The following SPIN1 variants were observed in gnomAD, a reference collection of about 807,000 sequenced individuals.
SPIN1 encodes spindlin-1.
A neutral mutation model predicts 26.0 loss-of-function variants in SPIN1; 3 were observed. The ratio of observed to expected loss-of-function variants is 0.12; its 90% CI spans 0.05 to 0.30. The LOEUF (loss-of-function observed/expected upper bound fraction) is 0.30, where lower values mean the gene tolerates loss of function less well. Among genes scored for constraint, SPIN1 ranks in the 10% least tolerant of loss-of-function variants. The pLI is 1.00. For synonymous variants in SPIN1, 101 were observed against 116.5 expected (o/e 0.87, Z 0.86); for missense variants, 126 against 333.4 (o/e 0.38, Z 4.84).
intron 3 of SPIN1, among the ~76,000 whole-genome samples, chr9:88,450,899 A>G (rs536846800): frequency 6.6e-6 from 1 of 152,252 alleles, no homozygotes; most frequent in South Asian, 2.1e-4. Flanking sequence ...AGCTTTGAAG[A>G]GGCTGCCTGG....
intron 3 of SPIN1, among the ~76,000 whole-genome samples, chr9:88,449,247 T>C (rs192519285): frequency 6.0e-4 from 91 of 152,122 alleles, no homozygotes; most frequent in East Asian, 4.5e-3. Flanking sequence ...AAAACTGTTA[T>C]GGTAAGTGTG....
At chr9:88,459,846 G>C (rs1277853226) in intron 3 of SPIN1, among the ~76,000 whole-genome samples, 1 of 152,130 alleles carries the variant, frequency 6.6e-6, no homozygotes, top group Non-Finnish European at 1.5e-5. Context: ...TATACTTGAA[G>C]GTCAGTGTAC....
intron 5 of SPIN1, 22 bp from the exon 6 acceptor site, chr9:88,475,047 CTTTTTTTTT>C (rs11320023): frequency 2.1e-4 from 176 of 841,708 alleles, no homozygotes; most frequent in Middle Eastern, 8.4e-4. Flanking sequence ...CTCTCTCTCT[CTTTTTTTTT>C]TTTTTTTTTT....
At chr9:88,445,728 A>G (rs1420527037) in intron 2 of SPIN1, among the ~76,000 whole-genome samples, 4 of 151,402 alleles carry the variant, frequency 2.6e-5, no homozygotes, top group Admixed American at 2.0e-4. Flanking sequence ...TGGCAGAGAC[A>G]ATGTTTCACC....
intron 2 of SPIN1, among the ~76,000 whole-genome samples, chr9:88,436,111 G>A (rs570498411): frequency 1.1e-3 from 170 of 152,186 alleles, no homozygotes; most frequent in Non-Finnish European, 2.0e-3. Context: ...AGTTTTGTTT[G>A]TTTTAAAGAG....
chr9:88,393,830 T>C (rs541154261), intron 1 of SPIN1, among the ~76,000 whole-genome samples: 1 of 151,964 alleles, frequency 6.6e-6, no homozygotes, highest in East Asian at 1.9e-4. Flanking sequence ...CCATGGATTT[T>C]TATGTATCCA....
intron 1 of SPIN1, among the ~76,000 whole-genome samples, chr9:88,394,457 G>T (rs1827009390): frequency 6.6e-6 from 1 of 152,150 alleles, no homozygotes; most frequent in African/African-American, 2.4e-5. Flanking sequence ...TACAGATTTT[G>T]ATTTTTATAT....
In SPIN1 at chr9:88,475,151, C is replaced by A; in HGVS notation, c.663C>A (p.Ala221=). 6.2e-7 allele frequency: 1 copy of A among 1,607,338 alleles called. No individual in the cohort carries two copies. The highest frequency in any genetic ancestry group is 1.4e-5 in the African/African-American group (1 of 73,096). Residue 221 remains alanine, a synonymous_variant, in exon 6 of 6, where the codon GCC becomes GCA. Coordinates refer to ENST00000375859, the MANE Select transcript of SPIN1 (RefSeq NM_006717.3). The part of the protein sequence containing the change: ...DSLVGKQVEY[A]KEDGSKRTGM... ...TGGTAGGCAAACAAGTGGAATATGC[C>A]AAAGAAGATGGCTCGAAAAGGACTG...
intron 2 of SPIN1, among the ~76,000 whole-genome samples, chr9:88,436,304 C>T (rs1214385909): frequency 6.6e-6 from 1 of 152,172 alleles, no homozygotes; most frequent in East Asian, 1.9e-4. Flanking sequence ...AATCTTTCTA[C>T]AGTTTTAGAG....
At chr9:88,411,258 C>T (rs1460983614) in intron 1 of SPIN1, 15 of 1,139,532 alleles carry the variant, frequency 1.3e-5, no homozygotes, top group Non-Finnish European at 1.6e-5. Context: ...ATGGCTGCAT[C>T]CTCCACCTCC....
At chr9:88,449,229 A>G (rs925538392) in intron 3 of SPIN1, among the ~76,000 whole-genome samples, 1 of 151,862 alleles carries the variant, frequency 6.6e-6, no homozygotes, top group East Asian at 1.9e-4. Flanking sequence ...AACTGGGCCA[A>G]TGGAAGGAAA....
intron 1 of SPIN1, among the ~76,000 whole-genome samples, chr9:88,424,236 G>A (rs985301048): frequency 8.5e-5 from 13 of 152,188 alleles, no homozygotes; most frequent in African/African-American, 3.1e-4. Flanking sequence ...TGGTGGTAAA[G>A]TGATGAGTAG....
At chr9:88,415,095 G>A (rs1211689772) in intron 1 of SPIN1, among the ~76,000 whole-genome samples, 1 of 151,990 alleles carries the variant, frequency 6.6e-6, no homozygotes, top group Admixed American at 6.6e-5. Context: ...TAGTAGAGAT[G>A]GGGTTTCACC....
At chr9:88,453,386 C>T (rs959026722) in intron 3 of SPIN1, among the ~76,000 whole-genome samples, 3 of 152,080 alleles carry the variant, frequency 2.0e-5, no homozygotes, top group Non-Finnish European at 2.9e-5. Context: ...CACTTGGGAG[C>T]TTATAGGAAT....
chr9:88,431,222 G>A (rs1003208434), intron 2 of SPIN1, among the ~76,000 whole-genome samples: 8 of 150,800 alleles, frequency 5.3e-5, no homozygotes, highest in African/African-American at 9.7e-5. Context: ...GATGGTACAA[G>A]GAATGTTAGT....
chr9:88,412,731 A>G (rs1442268131), intron 1 of SPIN1, among the ~76,000 whole-genome samples: 11 of 151,852 alleles, frequency 7.2e-5, no homozygotes. Flanking sequence ...CACCCAGGCT[A>G]GAGTGCAGAT....
intron 1 of SPIN1, among the ~76,000 whole-genome samples, chr9:88,399,356 T>C (rs1428634673): frequency 6.6e-6 from 1 of 152,142 alleles, no homozygotes; most frequent in Non-Finnish European, 1.5e-5. Context: ...GTCAGGCTGT[T>C]GTCTTTGTGA....
chr9:88,451,529 C>T (rs1225390010), intron 3 of SPIN1, among the ~76,000 whole-genome samples: 3 of 152,070 alleles, frequency 2.0e-5, no homozygotes, highest in African/African-American at 2.4e-5. Context: ...TTGGGACAAA[C>T]ATTTGCATTA....
At chr9:88,390,865 A>T (rs7869274) in intron 1 of SPIN1, among the ~76,000 whole-genome samples, 3,999 of 152,254 alleles carry the variant, frequency 0.026, 173 homozygotes, top group African/African-American at 0.091. Context: ...TTTTTTTTTA[A>T]AGCTACTCAA....
Sources: gnomAD v4.1 joint callset for allele counts (sites outside exome capture counted in the v4.1 genomes callset) on GRCh38, gnomAD v4.1.1 for gene constraint, MANE v1.5 for transcripts, NCBI Gene and HGNC (gene_info 2026-07-23, HGNC 2026-07-21) for gene names.